The following DIAPH3 variants were observed in gnomAD, a reference collection of about 807,000 sequenced individuals.
DIAPH3 encodes diaphanous related formin 3.
A neutral mutation model predicts 144.3 loss-of-function variants in DIAPH3; 117 were observed. The ratio of observed to expected loss-of-function variants is 0.81; its 90% CI spans 0.70 to 0.95. DIAPH3 has a LOEUF of 0.95. DIAPH3 is among the 40% of genes least tolerant of loss of function. DIAPH3 has a pLI of 0.00. For synonymous variants in DIAPH3, 519 were observed against 488.9 expected (o/e 1.06, Z -0.81); for missense variants, 1,421 against 1,412.7 (o/e 1.01, Z -0.09).
intron 7 of DIAPH3, among the ~76,000 whole-genome samples, chr13:60,015,565 T>C (rs1285738449): frequency 6.8e-6 from 1 of 146,070 alleles, no homozygotes; most frequent in Admixed American, 7.1e-5. Flanking sequence ...AGGGAGGAAA[T>C]GAAGGAAGGA....
intron 22 of DIAPH3, among the ~76,000 whole-genome samples, chr13:59,861,085 T>C (rs2043551760): frequency 1.3e-5 from 2 of 152,120 alleles, no homozygotes; most frequent in African/African-American, 4.8e-5. Flanking sequence ...TGAATGACAT[T>C]GAATCAAGAG....
intron 2 of DIAPH3, among the ~76,000 whole-genome samples, chr13:60,129,211 C>T (rs1039973042): frequency 2.6e-5 from 4 of 152,132 alleles, no homozygotes; most frequent in Non-Finnish European, 5.9e-5. Context: ...CCTTTTCAAA[C>T]CTGTCTCCCC....
At chr13:59,802,394 TATC>T (rs1210547233) in intron 25 of DIAPH3, among the ~76,000 whole-genome samples, 1 of 151,768 alleles carries the variant, frequency 6.6e-6, no homozygotes, top group Non-Finnish European at 1.5e-5. Context: ...CTCTGACAAT[TATC>T]ATTAATTTTA....
At chr13:60,156,593 T>G (rs1025138838) in intron 1 of DIAPH3, among the ~76,000 whole-genome samples, 2 of 152,078 alleles carry the variant, frequency 1.3e-5, no homozygotes, top group African/African-American at 2.4e-5. Context: ...TACATCTATT[T>G]GACTTGAGAT....
chr13:59,869,806 C>A (rs1402527073), intron 21 of DIAPH3, among the ~76,000 whole-genome samples: 1 of 152,204 alleles, frequency 6.6e-6, no homozygotes, highest in Admixed American at 6.5e-5. Flanking sequence ...ATGGGTATCT[C>A]TTCACATCTT....
At chr13:60,052,680 TA>T (rs2056394598) in intron 4 of DIAPH3, among the ~76,000 whole-genome samples, 1 of 151,948 alleles carries the variant, frequency 6.6e-6, no homozygotes. Context: ...GAAGTTATAA[TA>T]AAATGGAAGG....
intron 27 of DIAPH3, among the ~76,000 whole-genome samples, chr13:59,759,313 A>G (rs1486393266): frequency 1.3e-5 from 2 of 152,164 alleles, no homozygotes; most frequent in Admixed American, 6.5e-5. Flanking sequence ...GGGGCACAGA[A>G]ACTACCACAA....
intron 27 of DIAPH3, among the ~76,000 whole-genome samples, chr13:59,767,400 C>T (rs780132242): frequency 6.6e-5 from 10 of 151,678 alleles, no homozygotes; most frequent in East Asian, 5.8e-4. Context: ...AGTAATCAAA[C>T]GACAAAATAA....
At chr13:59,807,484 T>G (rs1217259750) in intron 25 of DIAPH3, among the ~76,000 whole-genome samples, 1 of 152,070 alleles carries the variant, frequency 6.6e-6, no homozygotes, top group Non-Finnish European at 1.5e-5. Flanking sequence ...ATGTATGATA[T>G]AGACATAGCA....
chr13:60,027,027 T>C (rs1366590653), intron 5 of DIAPH3, among the ~76,000 whole-genome samples: 1 of 152,250 alleles, frequency 6.6e-6, no homozygotes, highest in African/African-American at 2.4e-5. Context: ...TCAGCTTTAA[T>C]ACTGTATAAT....
At chr13:59,931,490 C>T (rs2048014930) in intron 17 of DIAPH3, among the ~76,000 whole-genome samples, 2 of 152,190 alleles carry the variant, frequency 1.3e-5, no homozygotes, top group South Asian at 4.1e-4. Flanking sequence ...CTTCAAAGCA[C>T]TTACTCCTTA....
intron 17 of DIAPH3, among the ~76,000 whole-genome samples, chr13:59,954,615 C>T (rs1488654959): frequency 6.6e-6 from 1 of 152,050 alleles, no homozygotes; most frequent in African/African-American, 2.4e-5. Context: ...CATTCTCACA[C>T]TGCTATAAAG....
At chr13:60,110,844 C>A (rs964150651) in intron 3 of DIAPH3, among the ~76,000 whole-genome samples, 2 of 152,148 alleles carry the variant, frequency 1.3e-5, no homozygotes, top group African/African-American at 2.4e-5. Context: ...ATTCATCTGA[C>A]CTCTAAATAA....
chr13:59,693,732 G>C (rs959256603), intron 27 of DIAPH3, among the ~76,000 whole-genome samples: 3 of 152,108 alleles, frequency 2.0e-5, no homozygotes, highest in South Asian at 2.1e-4. Flanking sequence ...ATTGTAAAAT[G>C]ATATGATAAA....
intron 24 of DIAPH3, among the ~76,000 whole-genome samples, chr13:59,816,959 T>G (rs766346897): frequency 2.6e-5 from 4 of 151,984 alleles, no homozygotes; most frequent in Non-Finnish European, 4.4e-5. Context: ...ATAACTGTTT[T>G]CTATGATTTC....
At chr13:59,830,577 C>T (rs1185932477) in intron 24 of DIAPH3, among the ~76,000 whole-genome samples, 1 of 151,564 alleles carries the variant, frequency 6.6e-6, no homozygotes. Context: ...TTTTTGGAAC[C>T]CTTTTCCCAT....
chr13:59,794,404 T>C (rs1314979552), intron 25 of DIAPH3, among the ~76,000 whole-genome samples: 1 of 152,128 alleles, frequency 6.6e-6, no homozygotes, highest in African/African-American at 2.4e-5. Context: ...GTAAATATAA[T>C]AGAAGGATTT....
At chr13:60,085,878 G>A (rs2057729374) in intron 4 of DIAPH3, among the ~76,000 whole-genome samples, 1 of 151,996 alleles carries the variant, frequency 6.6e-6, no homozygotes, top group African/African-American at 2.4e-5. Context: ...GTAAGTACGA[G>A]CATAGCAAAA....
At chr13:60,073,868 T>C (rs1280319425) in intron 4 of DIAPH3, among the ~76,000 whole-genome samples, 1 of 152,226 alleles carries the variant, frequency 6.6e-6, no homozygotes, top group African/African-American at 2.4e-5. Context: ...TTAGCTCTGC[T>C]GATTTGTTTT....
Sources: allele counts gnomAD v4.1 joint callset (sites outside exome capture counted in the v4.1 genomes callset), GRCh38; gene constraint gnomAD v4.1.1; transcripts MANE v1.5; gene names NCBI Gene and HGNC (gene_info 2026-07-23, HGNC 2026-07-21).